The following RERE variants were observed in gnomAD, a reference collection of about 807,000 sequenced individuals.
RERE encodes arginine-glutamic acid dipeptide repeats protein.
Under a neutral mutation model 146.1 loss-of-function variants are expected in RERE, and 40 were observed. The observed-to-expected ratio is 0.27, with a 90% confidence interval of 0.21 to 0.36. RERE has a LOEUF of 0.36. RERE is among the 10% of genes least tolerant of loss of function. The pLI, the probability that RERE is intolerant of heterozygous loss-of-function variation, is 1.00. For missense variants in RERE, 1,933 were observed against 2,138.7 expected (o/e 0.90, Z 1.90); for synonymous variants, 1,003 against 866.0 (o/e 1.16, Z -2.78).
Position 8,668,963 on chromosome 1 carries a change from T to TGTGTGTGTGTGTG in RERE, c.-144-12523_-144-12522insCACACACACACAC, listed in dbSNP as rs1553130735. ...GTGTGTGTGTGTGTGTGTGTGTGTGTTGTGTTTTTAAGACAGGGTCTCACT... is the reference window on the plus strand; with the variant it reads ...GTGTGTGTGTGTGTGTGTGTGTGTGTGTGTGTGTGTGTGTGTGTTTTTAAGACAGGGTCTCACT... On this transcript the variant is annotated intron_variant, in intron 1 of 22. Coordinates refer to ENST00000400908, the MANE Select transcript of RERE (RefSeq NM_001042681.2). Among the ~76,000 whole-genome samples the TGTGTGTGTGTGTG allele has an allele frequency of 2.1e-4, 9 of 42,394 alleles. 1 individual carries two copies. Among genetic ancestry groups the TGTGTGTGTGTGTG allele is most frequent in the South Asian group, 6.1e-4 (1 of 1,650 alleles). The allele number at this position is 42,394 out of a possible 152,430, so 27.8% of individuals were successfully genotyped here.
At chr1:8,446,520 T>C (rs1644322270) in intron 11 of RERE, among the ~76,000 whole-genome samples, 2 of 152,230 alleles carry the variant, frequency 1.3e-5, no homozygotes, top group South Asian at 4.1e-4. Flanking sequence ...TGAATTTGAA[T>C]GCTGGCCTGT....
intron 12 of RERE, among the ~76,000 whole-genome samples, chr1:8,390,141 T>C (rs1642834214): frequency 6.6e-6 from 1 of 152,118 alleles, no homozygotes; most frequent in Non-Finnish European, 1.5e-5. Context: ...TCCTGTGACC[T>C]GAAGCAGAGC....
intron 7 of RERE, among the ~76,000 whole-genome samples, chr1:8,510,872 T>C (rs920523338): frequency 6.6e-6 from 1 of 152,212 alleles, no homozygotes; most frequent in Non-Finnish European, 1.5e-5. Flanking sequence ...TTCCATATCA[T>C]GGCTACACTG....
intron 8 of RERE, among the ~76,000 whole-genome samples, chr1:8,502,130 G>T (rs1194259864): frequency 7.5e-5 from 1 of 13,390 alleles, no homozygotes; most frequent in African/African-American, 3.4e-4. Flanking sequence ...GGACCCCTCT[G>T]CCCGGCCAGC....
chr1:8,513,838 A>G (rs931361676), intron 7 of RERE, among the ~76,000 whole-genome samples: 3 of 152,220 alleles, frequency 2.0e-5, no homozygotes, highest in African/African-American at 7.2e-5. Flanking sequence ...AAAGATGTGT[A>G]CACAAGGTGA....
chr1:8,601,665 CACACACAT>C (rs1451590258), intron 4 of RERE, among the ~76,000 whole-genome samples: 158 of 137,130 alleles, frequency 1.2e-3, no homozygotes, highest in African/African-American at 3.9e-3. Flanking sequence ...CACACACACA[CACACACAT>C]CTTCCTTCCA....
chr1:8,774,077 C>G (rs1273174428), intron 1 of RERE, among the ~76,000 whole-genome samples: 3 of 152,118 alleles, frequency 2.0e-5, no homozygotes, highest in Non-Finnish European at 4.4e-5. Context: ...GTACCTTGTT[C>G]CTAGGTGTCC....
At chr1:8,725,863 G>A (rs1412021285) in intron 1 of RERE, among the ~76,000 whole-genome samples, 2 of 151,984 alleles carry the variant, frequency 1.3e-5, no homozygotes, top group African/African-American at 2.4e-5. Context: ...TAATGCAAAC[G>A]TTCTGAAAGG....
chr1:8,726,215 C>A (rs1212102395), intron 1 of RERE, among the ~76,000 whole-genome samples: 1 of 134,818 alleles, frequency 7.4e-6, no homozygotes, highest in Non-Finnish European at 1.5e-5. Context: ...AGTGCAGCAG[C>A]GTAATTTCGG....
intron 12 of RERE, among the ~76,000 whole-genome samples, chr1:8,375,761 A>C (rs952145353): frequency 4.7e-5 from 7 of 148,604 alleles, no homozygotes; most frequent in Non-Finnish European, 8.9e-5. Context: ...AGCCACTGAA[A>C]ATGTTTCCTC....
At chr1:8,754,621 G>A (rs1640600190) in intron 1 of RERE, among the ~76,000 whole-genome samples, 1 of 152,158 alleles carries the variant, frequency 6.6e-6, no homozygotes, top group Non-Finnish European at 1.5e-5. Flanking sequence ...GCAGATGTAT[G>A]TTTTGCCCTC....
At chr1:8,689,131 A>G (rs1639153773) in intron 1 of RERE, among the ~76,000 whole-genome samples, 1 of 152,140 alleles carries the variant, frequency 6.6e-6, no homozygotes, top group South Asian at 2.1e-4. Context: ...TCTTTGTTGA[A>G]ATTTCAATGG....
intron 1 of RERE, among the ~76,000 whole-genome samples, chr1:8,782,830 C>T (rs562215340): frequency 6.6e-6 from 1 of 152,236 alleles, no homozygotes; most frequent in Admixed American, 6.5e-5. Context: ...CACTTGAACC[C>T]GGGAGGTGGA....
chr1:8,457,782 G>A lies in RERE; in HGVS notation c.1203+8143C>T, dbSNP rs1306435578. Among the ~76,000 whole-genome samples the A allele has an allele frequency of 2.6e-5, 4 of 152,012 alleles. No homozygotes were observed. The East Asian group carries it at 7.7e-4, about 29-fold the overall frequency. ...CGCCCAGCTAATTTTTGTATTTTTA[G>A]TAGAGACGGTGTTTCGCTATGTTGG... is the stretch of plus-strand genomic sequence containing the variant. On this transcript the variant is annotated intron_variant, in intron 11 of 22. Transcript: ENST00000400908.
intron 4 of RERE, among the ~76,000 whole-genome samples, chr1:8,601,778 A>AC (rs1570493975): frequency 6.5e-4 from 54 of 83,266 alleles, no homozygotes; most frequent in East Asian, 1.2e-3. Context: ...CACACACACA[A>AC]ACACACACAC....
At chr1:8,787,878 C>T (rs1234732446) in intron 1 of RERE, among the ~76,000 whole-genome samples, 2 of 149,082 alleles carry the variant, frequency 1.3e-5, no homozygotes, top group African/African-American at 2.5e-5. Flanking sequence ...TTTCCTTTAT[C>T]GTTCTTAATT....
intron 1 of RERE, among the ~76,000 whole-genome samples, chr1:8,736,167 T>C (rs771519639): frequency 1.4e-5 from 2 of 147,164 alleles, no homozygotes; most frequent in Non-Finnish European, 1.5e-5. Flanking sequence ...ATTCCTGCAA[T>C]TGTTCTGCAT....
intron 1 of RERE, among the ~76,000 whole-genome samples, chr1:8,705,885 G>A (rs1255309160): frequency 6.6e-6 from 1 of 152,134 alleles, no homozygotes; most frequent in African/African-American, 2.4e-5. Flanking sequence ...GGGAGGCCGA[G>A]GTGGGCAGAT....
chr1:8,505,320 T>C (rs1174107731), intron 8 of RERE, among the ~76,000 whole-genome samples: 2 of 152,354 alleles, frequency 1.3e-5, no homozygotes, highest in East Asian at 3.9e-4. Flanking sequence ...TCTGATATAT[T>C]GTGATTGTGT....
Sources: allele counts gnomAD v4.1 joint callset (sites outside exome capture counted in the v4.1 genomes callset), GRCh38; gene constraint gnomAD v4.1.1; transcripts MANE v1.5; gene names NCBI Gene and HGNC (gene_info 2026-07-23, HGNC 2026-07-21).